MAMDC2: variants seen among roughly 807,000 people sequenced by gnomAD.
MAMDC2 encodes the protein MAM domain containing 2.
Under a neutral mutation model 89.8 loss-of-function variants are expected in MAMDC2, and 57 were observed. The observed-to-expected ratio is 0.63, with a 90% CI of 0.51 to 0.79. The LOEUF is 0.79. Ranked by LOEUF, MAMDC2 falls within the 30% of genes least tolerant of loss-of-function variation. The pLI is 0.00. For missense variants in MAMDC2, 800 were observed against 820.6 expected (o/e 0.97, Z 0.31); for synonymous variants, 313 against 293.4 (o/e 1.07, Z -0.68).
chr9:70,192,088 A>T (rs2032891816), intron 11 of MAMDC2, among the ~76,000 whole-genome samples: 1 of 152,150 alleles, frequency 6.6e-6, no homozygotes, highest in African/African-American at 2.4e-5. Flanking sequence ...GAAACAGGCA[A>T]GTCCCCCAAG....
At chr9:70,168,848 C>A in intron 10 of MAMDC2, 53 bp downstream of exon 10, 1 of 1,391,902 alleles carries the variant, frequency 7.2e-7, no homozygotes, top group South Asian at 1.2e-5. Flanking sequence ...ACATACATTT[C>A]CTGTATCGCT....
At chr9:70,054,364 G>A (rs369828773) in intron 2 of MAMDC2, among the ~76,000 whole-genome samples, 2 of 152,182 alleles carry the variant, frequency 1.3e-5, no homozygotes, top group South Asian at 2.1e-4. Context: ...AGGAAGAACC[G>A]GGCATGTATG....
intron 5 of MAMDC2, among the ~76,000 whole-genome samples, chr9:70,123,421 C>A (rs541865333): frequency 2.0e-5 from 3 of 152,212 alleles, no homozygotes; most frequent in Non-Finnish European, 4.4e-5. Flanking sequence ...TTGATTCTAT[C>A]CAGTCTGTCA....
At chr9:70,219,189 C>T (rs74322097) in intron 12 of MAMDC2, among the ~76,000 whole-genome samples, 2,300 of 152,262 alleles carry the variant, frequency 0.015, 26 homozygotes, top group Non-Finnish European at 0.023. Context: ...ATCTGGGCAG[C>T]AATAGGAAAC....
intron 9 of MAMDC2, among the ~76,000 whole-genome samples, chr9:70,154,567 C>T (rs2031685426): frequency 3.3e-5 from 5 of 149,594 alleles, no homozygotes; most frequent in Admixed American, 2.0e-4. Context: ...CTCTGTTGCC[C>T]AGGTTGGAAT....
intron 6 of MAMDC2, among the ~76,000 whole-genome samples, chr9:70,130,794 CAAAACA>C (rs1359375901): frequency 6.6e-6 from 1 of 151,540 alleles, no homozygotes; most frequent in African/African-American, 2.4e-5. Context: ...CAAAACAAAA[CAAAACA>C]AAAAAACAAA....
chr9:70,062,273 A>T (rs542433907), intron 2 of MAMDC2, among the ~76,000 whole-genome samples: 1 of 152,130 alleles, frequency 6.6e-6, no homozygotes, highest in South Asian at 2.1e-4. Context: ...ACACACACAC[A>T]CACACACTAT....
intron 9 of MAMDC2, among the ~76,000 whole-genome samples, chr9:70,149,744 C>G (rs1292220296): frequency 2.0e-5 from 3 of 152,056 alleles, no homozygotes; most frequent in East Asian, 1.9e-4. Flanking sequence ...ATAAAGTGCA[C>G]CAGGGTATTG....
intron 11 of MAMDC2, among the ~76,000 whole-genome samples, chr9:70,193,256 G>A (rs1280421865): frequency 2.0e-5 from 3 of 151,962 alleles, no homozygotes; most frequent in Non-Finnish European, 2.9e-5. Context: ...TATTATAAAC[G>A]TAGTATTGCT....
At chr9:70,161,194 C>A (rs1322038351) in intron 9 of MAMDC2, among the ~76,000 whole-genome samples, 1 of 152,112 alleles carries the variant, frequency 6.6e-6, no homozygotes, top group Non-Finnish European at 1.5e-5. Flanking sequence ...TTTCTGAAAT[C>A]TTTGAGTTGA....
intron 2 of MAMDC2, among the ~76,000 whole-genome samples, chr9:70,068,437 G>A (rs902371366): frequency 3.3e-5 from 5 of 152,094 alleles, no homozygotes; most frequent in African/African-American, 9.7e-5. Flanking sequence ...CCAATAGGGG[G>A]CCAGGTACAG....
intron 9 of MAMDC2, among the ~76,000 whole-genome samples, chr9:70,160,942 C>T (rs1449130914): frequency 6.6e-6 from 1 of 152,054 alleles, no homozygotes; most frequent in African/African-American, 2.4e-5. Flanking sequence ...CTCTCAGAAT[C>T]GTATTTTAAG....
At chr9:70,119,075 T>C (rs17088691) in intron 5 of MAMDC2, among the ~76,000 whole-genome samples, 10,161 of 151,922 alleles carry the variant, frequency 0.067, 532 homozygotes, top group African/African-American at 0.14. Context: ...TAATTCTGAT[T>C]CATCACATAT....
At chr9:70,141,390 G>C (rs957849597) in intron 8 of MAMDC2, among the ~76,000 whole-genome samples, 1 of 152,104 alleles carries the variant, frequency 6.6e-6, no homozygotes, top group Non-Finnish European at 1.5e-5. Context: ...TAACTCCTGG[G>C]GAATACAATA....
intron 2 of MAMDC2, chr9:70,060,505 C>T (rs1252427750): frequency 2.0e-5 from 3 of 152,220 alleles, no homozygotes; most frequent in Non-Finnish European, 4.4e-5. Context: ...ATGGCACCCC[C>T]AACTGTCCTT....
chr9:70,220,289 G>C (rs1927098), intron 12 of MAMDC2, among the ~76,000 whole-genome samples: 119,225 of 152,112 alleles, frequency 0.78, 46,864 homozygotes, highest in Admixed American at 0.83. Context: ...AATGTTTTTT[G>C]AGTACAGAGT....
At chr9:70,139,957 C>T (rs764923969) in intron 7 of MAMDC2, among the ~76,000 whole-genome samples, 188 bp from the exon 8 acceptor site, 8 of 152,124 alleles carry the variant, frequency 5.3e-5, no homozygotes, top group Non-Finnish European at 1.0e-4. Context: ...GAACAATTTT[C>T]CTGTCATGTT....
chr9:70,113,297 G>A (rs1198110071), intron 5 of MAMDC2, among the ~76,000 whole-genome samples, 165 bp downstream of exon 5: 1 of 152,172 alleles, frequency 6.6e-6, no homozygotes, highest in Non-Finnish European at 1.5e-5. Flanking sequence ...GAAGAGTAGG[G>A]AAGGATCTAC....
intron 4 of MAMDC2, among the ~76,000 whole-genome samples, chr9:70,111,028 T>C (rs1275058133): frequency 6.6e-6 from 1 of 152,202 alleles, no homozygotes; most frequent in Non-Finnish European, 1.5e-5. Context: ...ATGATATCTC[T>C]AGGGCAAGTG....
Sources: allele counts gnomAD v4.1 joint callset (sites outside exome capture counted in the v4.1 genomes callset), GRCh38; gene constraint gnomAD v4.1.1; transcripts MANE v1.5; gene names NCBI Gene and HGNC (gene_info 2026-07-23, HGNC 2026-07-21).